The following EBF1 variants were observed in gnomAD, a reference collection of about 807,000 sequenced individuals.
The protein encoded by EBF1 is transcription factor COE1.
In EBF1, 10 loss-of-function variants were observed where a neutral mutation model predicts 68.4. The ratio of observed to expected loss-of-function variants is 0.15; its 90% CI spans 0.09 to 0.25. The LOEUF is 0.25. EBF1 is among the 10% of genes least tolerant of loss of function. The pLI is 1.00. For synonymous variants in EBF1, 298 were observed against 299.8 expected (o/e 0.99, Z 0.06); for missense variants, 509 against 794.4 (o/e 0.64, Z 4.32).
chr5:158,777,517 C>T lies in EBF1; in HGVS notation c.932G>A (p.Arg311His), dbSNP rs751374500. Residue 311 changes from arginine to histidine, a missense_variant, in exon 10 of 16, where the codon CGT (arginine) becomes CAT (histidine). Arg to His is a conservative substitution (Grantham distance 29). This residue lies in a region of EBF1 where 230 missense variants were observed against 467.7 expected (regional missense o/e 0.49). Coordinates refer to ENST00000313708, the MANE Select transcript of EBF1 (RefSeq NM_024007.5). ...WSELITPHAI[R>H]VQTPPRHIPG... ...GATGTGCCGAGGAGGGGTCTGCACA[C>T]GGATGGCATGAGGAGTGATCAACTG... The T allele has an allele frequency of 1.6e-5, 25 of 1,611,094 alleles. No homozygotes were observed. The highest frequency in any genetic ancestry group is 2.0e-5 in the Non-Finnish European group (23 of 1,178,372).
chr5:158,855,909 C>T (rs530829237), intron 6 of EBF1, among the ~76,000 whole-genome samples: 32 of 152,356 alleles, frequency 2.1e-4, no homozygotes, highest in Non-Finnish European at 4.0e-4. Flanking sequence ...TCCAAACACA[C>T]GCACTTGTTC....
chr5:158,865,983 G>A (rs183566162), intron 6 of EBF1, among the ~76,000 whole-genome samples: 4 of 152,296 alleles, frequency 2.6e-5, no homozygotes, highest in African/African-American at 7.2e-5. Context: ...TGAGTTAGAG[G>A]TTGCTCTAGG....
chr5:159,056,490 G>A (rs1381439601), intron 6 of EBF1, among the ~76,000 whole-genome samples: 3 of 152,170 alleles, frequency 2.0e-5, no homozygotes, highest in African/African-American at 7.2e-5. Context: ...AGTTCAGCAT[G>A]AGACTATGCC....
At chr5:158,914,758 G>A (rs953470374) in intron 6 of EBF1, among the ~76,000 whole-genome samples, 10 of 152,162 alleles carry the variant, frequency 6.6e-5, no homozygotes, top group African/African-American at 2.4e-4. Flanking sequence ...AGTGCCAAAA[G>A]ATGTGCTCTG....
At chr5:158,868,146 C>A (rs534052517) in intron 6 of EBF1, among the ~76,000 whole-genome samples, 1 of 151,574 alleles carries the variant, frequency 6.6e-6, no homozygotes, top group South Asian at 2.1e-4. Flanking sequence ...TTTTTTTTGC[C>A]ATATTCTTCA....
intron 5 of EBF1, among the ~76,000 whole-genome samples, chr5:159,075,215 T>C (rs1310298916): frequency 6.6e-6 from 1 of 152,066 alleles, no homozygotes; most frequent in Non-Finnish European, 1.5e-5. Flanking sequence ...GCAATAAGGG[T>C]ATAAAGACTT....
chr5:158,779,034 A>G (rs181379792), intron 9 of EBF1, among the ~76,000 whole-genome samples: 1 of 152,192 alleles, frequency 6.6e-6, no homozygotes, highest in East Asian at 1.9e-4. Flanking sequence ...TTAATAATGT[A>G]GAGAGAATAA....
intron 10 of EBF1, among the ~76,000 whole-genome samples, chr5:158,748,886 G>T (rs1768167271): frequency 6.6e-6 from 1 of 152,132 alleles, no homozygotes; most frequent in African/African-American, 2.4e-5. Flanking sequence ...TAAAAGGATG[G>T]TATAATGATC....
intron 9 of EBF1, among the ~76,000 whole-genome samples, chr5:158,779,350 C>T (rs561047149): frequency 2.0e-5 from 3 of 152,112 alleles, no homozygotes; most frequent in Admixed American, 6.5e-5. Flanking sequence ...AAAAAAGTCA[C>T]GGGACAAACA....
chr5:158,699,188 T>C, intron 15 of EBF1, 46 bp from the exon 16 acceptor site: 1 of 1,562,522 alleles, frequency 6.4e-7, no homozygotes, highest in Non-Finnish European at 8.7e-7. Flanking sequence ...GCGTTCAAAC[T>C]TCTCACTGAG....
At chr5:159,076,644 C>A (rs1012345270) in intron 5 of EBF1, among the ~76,000 whole-genome samples, 2 of 152,180 alleles carry the variant, frequency 1.3e-5, no homozygotes, top group South Asian at 4.2e-4. Context: ...AAACTTTAGG[C>A]CAAGTATGAA....
At chr5:158,836,203 T>C (rs1224051297) in intron 7 of EBF1, among the ~76,000 whole-genome samples, 1 of 152,214 alleles carries the variant, frequency 6.6e-6, no homozygotes, top group Non-Finnish European at 1.5e-5. Flanking sequence ...AGCAGACATC[T>C]GGACAGTTAG....
At chr5:158,713,872 C>A (rs571536702) in intron 12 of EBF1, among the ~76,000 whole-genome samples, 4 of 152,268 alleles carry the variant, frequency 2.6e-5, no homozygotes, top group African/African-American at 4.8e-5. Context: ...GAAGTATGTT[C>A]CCACTAAAGA....
intron 6 of EBF1, among the ~76,000 whole-genome samples, chr5:158,846,449 C>T (rs1212842867): frequency 6.6e-6 from 1 of 152,112 alleles, no homozygotes; most frequent in East Asian, 1.9e-4. Context: ...AAATATTGAA[C>T]CAAAAAGCAC....
chr5:158,892,892 G>A (rs867291180), intron 6 of EBF1, among the ~76,000 whole-genome samples: 16 of 139,684 alleles, frequency 1.1e-4, no homozygotes, highest in Admixed American at 2.9e-4. Flanking sequence ...TACTCGAAGC[G>A]CCCCTTTTAC....
intron 6 of EBF1, among the ~76,000 whole-genome samples, chr5:158,998,637 T>C (rs1761930166): frequency 6.6e-6 from 1 of 152,350 alleles, no homozygotes; most frequent in South Asian, 2.1e-4. Flanking sequence ...TTATTGTCAT[T>C]TACTTAATAA....
At chr5:158,844,228 C>T (rs1018847714) in intron 6 of EBF1, among the ~76,000 whole-genome samples, 2 of 133,308 alleles carry the variant, frequency 1.5e-5, no homozygotes, top group African/African-American at 5.8e-5. Flanking sequence ...AAGGAGGTAA[C>T]GAGAAACTCG....
intron 6 of EBF1, among the ~76,000 whole-genome samples, chr5:159,031,358 T>C (rs1355831084): frequency 6.6e-6 from 1 of 152,216 alleles, no homozygotes; most frequent in Non-Finnish European, 1.5e-5. Flanking sequence ...ACAGATAATC[T>C]GTCCTGAAAA....
chr5:158,970,558 G>A (rs1702527647), intron 6 of EBF1, among the ~76,000 whole-genome samples: 1 of 152,206 alleles, frequency 6.6e-6, no homozygotes, highest in South Asian at 2.1e-4. Flanking sequence ...TCTGCTTCAA[G>A]AGGGTTGGCT....
Sources: allele counts gnomAD v4.1 joint callset (sites outside exome capture counted in the v4.1 genomes callset), GRCh38; gene constraint gnomAD v4.1.1; regional missense constraint gnomAD v4.1.1; transcripts MANE v1.5; gene names NCBI Gene and HGNC (gene_info 2026-07-23, HGNC 2026-07-21).